EIF4G3: variants seen among roughly 807,000 people sequenced by gnomAD.
EIF4G3 encodes the protein eukaryotic translation initiation factor 4 gamma 3, also known as eIF-4-gamma 3.
EIF4G3 carries 34 observed loss-of-function variants against 186.4 expected under a neutral mutation model. That is an observed-to-expected ratio of 0.18 (90% CI 0.14 to 0.24). The LOEUF (loss-of-function observed/expected upper bound fraction) is 0.24, where lower values mean the gene tolerates loss of function less well. Among genes scored for constraint, EIF4G3 ranks in the 10% least tolerant of loss-of-function variants. The pLI is 1.00. For missense variants in EIF4G3, 1,536 were observed against 1,948.5 expected, an observed-to-expected ratio of 0.79 and a Z score of 3.99; for synonymous variants, 673 against 679.5, an observed-to-expected ratio of 0.99 and a Z score of 0.15.
chr1:20,949,941 G>A lies in EIF4G3; in HGVS notation c.823+62C>T, dbSNP rs1333098951. ...TGTACTCTTACTCTTGAATGCTGACGGCAATGTAATTAATAAAAAAGAGAC... is the reference window on the plus strand; with the variant it reads ...TGTACTCTTACTCTTGAATGCTGACAGCAATGTAATTAATAAAAAAGAGAC... On this transcript the variant is annotated intron_variant, in intron 13 of 36. Coordinates refer to ENST00000602326, the MANE Select transcript of EIF4G3 (RefSeq NM_001391906.1). 1.0e-5 allele frequency: 14 copies of A among 1,339,244 alleles called. No homozygotes were observed. In the South Asian group the frequency reaches 1.1e-4, roughly 10 times the overall value. 83.0% of individuals were successfully genotyped at this position (1,339,244 alleles called of 1,614,324 possible).
At chr1:20,911,310 G>A (rs551916880) in intron 14 of EIF4G3, among the ~76,000 whole-genome samples, 2 of 152,204 alleles carry the variant, frequency 1.3e-5, no homozygotes, top group Non-Finnish European at 2.9e-5. Context: ...GCTCATGCCT[G>A]TAATCCCAAC....
At chr1:20,853,252 T>C (rs1159487851) in intron 27 of EIF4G3, among the ~76,000 whole-genome samples, 3 of 152,130 alleles carry the variant, frequency 2.0e-5, no homozygotes, top group African/African-American at 7.2e-5. Context: ...TTAATTCCCA[T>C]GGTTGAGAAT....
intron 14 of EIF4G3, among the ~76,000 whole-genome samples, chr1:20,939,683 A>G (rs1369470383): frequency 6.6e-6 from 1 of 151,948 alleles, no homozygotes; most frequent in African/African-American, 2.4e-5. Context: ...TTGCTTTTAC[A>G]TTTTAAAAAC....
At chr1:21,044,218 A>G (rs2093744023) in intron 4 of EIF4G3, among the ~76,000 whole-genome samples, 1 of 152,176 alleles carries the variant, frequency 6.6e-6, no homozygotes, top group South Asian at 2.1e-4. Context: ...AAGTTCTTAA[A>G]AATCTACTTT....
At chr1:21,006,480 C>T (rs557432180) in intron 4 of EIF4G3, among the ~76,000 whole-genome samples, 1 of 152,206 alleles carries the variant, frequency 6.6e-6, no homozygotes, top group Non-Finnish European at 1.5e-5. Context: ...ATCCAGTATA[C>T]TGTCCAAGTT....
At chr1:21,158,367 G>A (rs1219096064) in intron 2 of EIF4G3, among the ~76,000 whole-genome samples, 1 of 151,548 alleles carries the variant, frequency 6.6e-6, no homozygotes, top group Non-Finnish European at 1.5e-5. Context: ...GTAGAGGCGA[G>A]GTTTTGCCAT....
intron 2 of EIF4G3, 116 bp from the exon 3 acceptor site, chr1:21,089,329 A>G: frequency 1.6e-6 from 1 of 627,208 alleles, no homozygotes; most frequent in South Asian, 1.9e-5. Context: ...TTAGTGAGTT[A>G]TATACTTCTC....
At chr1:20,831,877 C>A (rs1212071306) in intron 30 of EIF4G3, among the ~76,000 whole-genome samples, 1 of 109,484 alleles carries the variant, frequency 9.1e-6, no homozygotes, top group Non-Finnish European at 2.0e-5. Context: ...TTTGTTCTTG[C>A]GATAGTTTAC....
In EIF4G3 at chr1:20,902,354, G is replaced by A. The variant is rs542998871; in HGVS notation, c.1753-2411C>T. Among the ~76,000 whole-genome samples, 170 of 152,284 alleles carry A rather than the reference G, an allele frequency of 1.1e-3. 1 individual carries two copies. The highest frequency in any genetic ancestry group is 4.0e-3 in the African/African-American group (165 of 41,568). ...TGTGATTACAGGCGTAAGCCACCAT[G>A]CCCAGCCTCTAGACTATAATTTTGA... is the stretch of plus-strand genomic sequence containing the variant. On this transcript the variant is annotated intron_variant, in intron 15 of 36. Coordinates refer to ENST00000602326, the MANE Select transcript of EIF4G3 (RefSeq NM_001391906.1).
chr1:20,807,151 C>T lies in EIF4G3; in HGVS notation c.*168G>A. On this transcript the variant is annotated 3_prime_UTR_variant, in exon 37 of 37. Coordinates refer to ENST00000602326, the MANE Select transcript of EIF4G3 (RefSeq NM_001391906.1). ...GTTTGAAGTTTACTTTTATCCAGTA[C>T]CTTTTTCCTCCATGATCACCTTTTT... 2.0e-6 allele frequency: 1 copy of T among 504,394 alleles called. No individual in the cohort carries two copies. Among genetic ancestry groups the T allele is most frequent in the Non-Finnish European group, 3.3e-6 (1 of 301,696 alleles). The allele number at this position is 504,394 out of a possible 1,614,324, so 31.2% of individuals were successfully genotyped here. A position where few individuals can be genotyped will look rare whatever the true frequency, so the allele number is the denominator to read the frequency against.
chr1:21,167,626 C>T (rs1314500278), intron 2 of EIF4G3, among the ~76,000 whole-genome samples: 1 of 152,096 alleles, frequency 6.6e-6, no homozygotes, highest in Non-Finnish European at 1.5e-5. Flanking sequence ...GGCGTGGTGC[C>T]GGGTGCCTGT....
chr1:21,159,480 T>C (rs2097721406), intron 2 of EIF4G3, among the ~76,000 whole-genome samples: 1 of 150,794 alleles, frequency 6.6e-6, no homozygotes, highest in South Asian at 2.1e-4. Flanking sequence ...CTCACGCCTG[T>C]AATCCCAGCA....
Position 20,904,956 on chromosome 1 carries a change from G to C in EIF4G3, c.1679C>G (p.Thr560Ser), listed in dbSNP as rs778091194. The C allele has an allele frequency of 9.3e-6, 15 of 1,613,510 alleles. No homozygotes were observed. The highest frequency in any genetic ancestry group is 1.2e-5 in the Non-Finnish European group (14 of 1,179,738). Residue 560 changes from threonine to serine, a missense_variant, in exon 15 of 37, where the codon ACT becomes AGT. Around this residue, in one of 11 missense-constraint regions of EIF4G3, gnomAD observed 560 missense variants for 547.8 expected, o/e 1.02. Transcript: ENST00000602326. ...TGGTTTCTTCCATGTCTTTGGTACA[G>C]TTATAGCTATTTGAGCTGAAATACA... ...RSPVPAQIAITVPKTWKKPKD... is the reference protein window; with the variant it reads ...RSPVPAQIAISVPKTWKKPKD...
At chr1:21,094,323 G>A (rs935125853) in intron 2 of EIF4G3, among the ~76,000 whole-genome samples, 15 of 151,910 alleles carry the variant, frequency 9.9e-5, no homozygotes, top group Non-Finnish European at 1.9e-4. Context: ...GCACACATAC[G>A]TTTATTGCGG....
chr1:20,831,655 T>C (rs1282389774), intron 30 of EIF4G3, among the ~76,000 whole-genome samples: 2 of 151,952 alleles, frequency 1.3e-5, no homozygotes, highest in African/African-American at 4.8e-5. Context: ...ATGTGCACAT[T>C]GTGCAGGTTA....
chr1:20,918,174 T>C (rs536266067), intron 14 of EIF4G3, among the ~76,000 whole-genome samples: 1 of 152,030 alleles, frequency 6.6e-6, no homozygotes, highest in South Asian at 2.1e-4. Flanking sequence ...TTCTACACCA[T>C]CATGGCTCAT....
chr1:20,947,070 G>A (rs901318220), intron 13 of EIF4G3, among the ~76,000 whole-genome samples: 6 of 152,134 alleles, frequency 3.9e-5, no homozygotes, highest in African/African-American at 1.4e-4. Context: ...AAACTCCTTG[G>A]CTGGCTGAGG....
chr1:20,876,829 T>G (rs2081027363), intron 20 of EIF4G3, among the ~76,000 whole-genome samples: 1 of 151,940 alleles, frequency 6.6e-6, no homozygotes, highest in East Asian at 1.9e-4. Context: ...AGACCTCATC[T>G]CTACCAAAAA....
intron 12 of EIF4G3, 64 bp from the exon 13 acceptor site, chr1:20,950,175 A>G: frequency 1.6e-6 from 2 of 1,263,234 alleles, no homozygotes; most frequent in Non-Finnish European, 2.2e-6. Context: ...AGCAACATGG[A>G]ACCCAAGCAA....
Sources: gnomAD v4.1 joint callset for allele counts (sites outside exome capture counted in the v4.1 genomes callset) on GRCh38, gnomAD v4.1.1 for gene constraint, gnomAD v4.1.1 regional missense constraint, MANE v1.5 for transcripts, NCBI Gene and HGNC (gene_info 2026-07-23, HGNC 2026-07-21) for gene names.